CCDC201: variants seen among roughly 807,000 people sequenced by gnomAD.
CCDC201 encodes coiled-coil domain-containing protein 201.
intron 2 of CCDC201, among the ~76,000 whole-genome samples, chr7:45,865,485 A>G (rs946029166): frequency 1.3e-5 from 2 of 152,196 alleles, no homozygotes; most frequent in Non-Finnish European, 2.9e-5. Flanking sequence ...TGCTCCAGGA[A>G]TGTAACAGCT....
chr7:45,883,185 T>C, the CCDC201 span, among the ~76,000 whole-genome samples: 6 of 152,074 alleles, frequency 3.9e-5, no homozygotes, highest in African/African-American at 1.2e-4. Context: ...CTTTATCAAA[T>C]GGGCATGGGG....
chr7:45,877,678 A>G (rs1786829285), upstream of CCDC201, among the ~76,000 whole-genome samples: 1 of 152,212 alleles, frequency 6.6e-6, no homozygotes, highest in Non-Finnish European at 1.5e-5. Context: ...AACCACTCCC[A>G]TGATCCAATC....
exon 3 of CCDC201, chr7:45,860,806 G>T (rs976135266): frequency 6.6e-6 from 1 of 152,248 alleles, no homozygotes; most frequent in Non-Finnish European, 1.5e-5. Context: ...GCTGCTTCCT[G>T]TAGGTATCTT....
chr7:45,866,707 T>C (rs1293587939), intron 1 of CCDC201, among the ~76,000 whole-genome samples: 1 of 152,206 alleles, frequency 6.6e-6, no homozygotes, highest in East Asian at 1.9e-4. Flanking sequence ...CACGCCCCTC[T>C]GTGCTTGCCT....
chr7:45,865,159 A>T (rs1276596741), intron 2 of CCDC201, among the ~76,000 whole-genome samples: 1 of 152,226 alleles, frequency 6.6e-6, no homozygotes, highest in Non-Finnish European at 1.5e-5. Context: ...AGGATAAACC[A>T]GGAAATGGGC....
At chr7:45,862,437 G>T (rs1164801072) in exon 3 of CCDC201, 1 of 152,222 alleles carries the variant, frequency 6.6e-6, no homozygotes, top group African/African-American at 2.4e-5. Flanking sequence ...GAAGGAGGTA[G>T]GTACCCTCTA....
the CCDC201 span, among the ~76,000 whole-genome samples, chr7:45,884,634 C>T: frequency 6.6e-6 from 1 of 152,180 alleles, no homozygotes; most frequent in Non-Finnish European, 1.5e-5. Context: ...TGTCATCCCA[C>T]CATCATCTCT....
At chr7:45,862,247 G>A (rs1018457118) in exon 3 of CCDC201, 2 of 152,256 alleles carry the variant, frequency 1.3e-5, no homozygotes, top group Admixed American at 1.3e-4. Context: ...CTTTCCTAGA[G>A]TGGCATTTCA....
At chr7:45,882,479 G>A in the CCDC201 span, among the ~76,000 whole-genome samples, 1 of 152,238 alleles carries the variant, frequency 6.6e-6, no homozygotes, top group Non-Finnish European at 1.5e-5. Context: ...CTCCAGAGCT[G>A]TTCTGCTGTT....
chr7:45,884,296 T>TG, the CCDC201 span, among the ~76,000 whole-genome samples: 1 of 152,190 alleles, frequency 6.6e-6, no homozygotes, highest in Admixed American at 6.5e-5. Context: ...GACAGGGTCA[T>TG]GCTTTGTTAC....
chr7:45,883,372 A>G, the CCDC201 span, among the ~76,000 whole-genome samples: 1 of 152,168 alleles, frequency 6.6e-6, no homozygotes, highest in South Asian at 2.1e-4. Flanking sequence ...ATCAAGCATC[A>G]GGATTGCACA....
exon 3 of CCDC201, chr7:45,861,986 G>A (rs976795758): frequency 1.3e-5 from 2 of 152,268 alleles, no homozygotes; most frequent in Admixed American, 6.5e-5. Context: ...GAGAATTGAT[G>A]CTGACTTTGG....
At chr7:45,860,766 G>T (rs1000559986) in exon 3 of CCDC201, 2 of 152,202 alleles carry the variant, frequency 1.3e-5, no homozygotes, top group African/African-American at 2.4e-5. Context: ...ATGTCTAGGC[G>T]CTGGGGCAGC....
upstream of CCDC201, among the ~76,000 whole-genome samples, chr7:45,874,244 C>T (rs1025405564): frequency 2.0e-5 from 3 of 152,138 alleles, no homozygotes; most frequent in Non-Finnish European, 4.4e-5. Flanking sequence ...AAAGACAGCC[C>T]ATAGTTGTGG....
chr7:45,881,507 G>A, the CCDC201 span, among the ~76,000 whole-genome samples: 13 of 152,144 alleles, frequency 8.5e-5, no homozygotes, highest in African/African-American at 3.1e-4. Context: ...TTGGTGTAGG[G>A]CCTGGGGATG....
At chr7:45,879,641 C>T in the CCDC201 span, among the ~76,000 whole-genome samples, 1 of 152,172 alleles carries the variant, frequency 6.6e-6, no homozygotes, top group Non-Finnish European at 1.5e-5. Flanking sequence ...CCCTCATGAT[C>T]CAATCACATC....
upstream of CCDC201, among the ~76,000 whole-genome samples, chr7:45,875,150 T>C (rs1786786915): frequency 6.6e-6 from 1 of 152,186 alleles, no homozygotes; most frequent in East Asian, 1.9e-4. Flanking sequence ...TTGTGATATA[T>C]TAAAGGAGAA....
At chr7:45,876,356 T>G (rs1329595622), upstream of CCDC201, among the ~76,000 whole-genome samples, 1 of 152,204 alleles carries the variant, frequency 6.6e-6, no homozygotes, top group Non-Finnish European at 1.5e-5. Context: ...AAATCTGATG[T>G]GGCAGGTGCT....
At chr7:45,864,111 G>T (rs2116516399) in intron 2 of CCDC201, among the ~76,000 whole-genome samples, 1 of 152,318 alleles carries the variant, frequency 6.6e-6, no homozygotes, top group African/African-American at 2.4e-5. Context: ...TCCACAGAGG[G>T]TGACCTCTAG....
Sources: gnomAD v4.1 joint callset for allele counts (sites outside exome capture counted in the v4.1 genomes callset) on GRCh38, gnomAD v4.1.1 for gene constraint, MANE v1.5 for transcripts, NCBI Gene and HGNC (gene_info 2026-07-23, HGNC 2026-07-21) for gene names.